ESRRG: variants seen among roughly 807,000 people sequenced by gnomAD.
ESRRG encodes the protein estrogen-related receptor gamma.
Under a neutral mutation model 44.0 loss-of-function variants are expected in ESRRG, and 13 were observed. That is an observed-to-expected ratio of 0.30 (90% CI 0.19 to 0.47). The LOEUF is 0.47. Ranked by LOEUF, ESRRG falls within the 20% of genes least tolerant of loss-of-function variation. The pLI is 1.00. For missense variants in ESRRG, 395 were observed against 580.6 expected, an observed-to-expected ratio of 0.68 and a Z score of 3.29; for synonymous variants, 215 against 214.6, an observed-to-expected ratio of 1.00 and a Z score of -0.02.
rs546749837 is a variant in ESRRG at position 216,655,586 on chromosome 1, T to C, written c.473-4497A>G. On this transcript the variant is annotated intron_variant, in intron 2 of 6. Transcript: ENST00000408911. ...GTGGTCCTAGCATCTTCACAAATGA[T>C]ATAGTTTCAGCTGAAGTGTATAGAA... Among the ~76,000 whole-genome samples, 40 of 152,290 alleles carry C rather than the reference T, an allele frequency of 2.6e-4. No individual in the cohort carries two copies. In the South Asian group the frequency reaches 8.3e-3, roughly 32 times the overall value.
At chr1:216,542,110 GAT>G (rs1491313645) in intron 5 of ESRRG, among the ~76,000 whole-genome samples, 1 of 147,392 alleles carries the variant, frequency 6.8e-6, no homozygotes, top group African/African-American at 2.5e-5. Context: ...GAGAGAGAGA[GAT>G]AGAATGTTTT....
At chr1:216,561,155 T>C (rs985026824) in intron 5 of ESRRG, among the ~76,000 whole-genome samples, 1 of 152,192 alleles carries the variant, frequency 6.6e-6, no homozygotes, top group South Asian at 2.1e-4. Flanking sequence ...ACCTATTCCA[T>C]ATGTATTTTC....
At position 216,559,779 on chromosome 1, in the gene ESRRG, C is replaced by T. The variant is rs566589037; in HGVS notation, c.862+4440G>A. ...TAAAAATGAAACCTCCATAATTTTG[C>T]TTGGTGGATGATATAATCTTAAAAA... On this transcript the variant is annotated intron_variant, in intron 5 of 6. Transcript: ENST00000408911. Among the ~76,000 whole-genome samples, 4 of 152,180 alleles carry T rather than the reference C, an allele frequency of 2.6e-5. No homozygotes were observed. The South Asian group carries it at 8.3e-4, about 32-fold the overall frequency.
intron 3 of ESRRG, among the ~76,000 whole-genome samples, chr1:216,585,599 C>T (rs2063608331): frequency 6.6e-6 from 1 of 151,740 alleles, no homozygotes; most frequent in Admixed American, 6.6e-5. Flanking sequence ...TAAACAATGT[C>T]AAAACAGATG....
chr1:216,907,924 A>C (rs2149546147), intron 2 of ESRRG, among the ~76,000 whole-genome samples: 1 of 152,260 alleles, frequency 6.6e-6, no homozygotes. Context: ...CATATTCCAC[A>C]GGGAGAAGCC....
chr1:216,768,059 C>T (rs2093173176), intron 2 of ESRRG, among the ~76,000 whole-genome samples: 1 of 152,064 alleles, frequency 6.6e-6, no homozygotes, highest in South Asian at 2.1e-4. Context: ...CATACATTGT[C>T]TCTAACCCTC....
chr1:216,537,245 AAC>A (rs1451172285), intron 5 of ESRRG, among the ~76,000 whole-genome samples: 1 of 151,990 alleles, frequency 6.6e-6, no homozygotes, highest in Non-Finnish European at 1.5e-5. Context: ...CCTTCTCCAT[AAC>A]AGAGCATGGT....
intron 2 of ESRRG, among the ~76,000 whole-genome samples, chr1:216,769,577 T>C (rs984773553): frequency 2.0e-5 from 3 of 152,044 alleles, no homozygotes; most frequent in Admixed American, 6.6e-5. Context: ...CATGAAGCCG[T>C]CACATGTAAG....
intron 2 of ESRRG, among the ~76,000 whole-genome samples, chr1:216,877,778 T>A (rs1256466943): frequency 6.6e-6 from 1 of 152,136 alleles, no homozygotes; most frequent in African/African-American, 2.4e-5. Context: ...CCATTATGTT[T>A]CCTTATTTTT....
chr1:217,042,481 C>CACAT (rs2084052239), intron 1 of ESRRG, among the ~76,000 whole-genome samples: 1 of 57,128 alleles, frequency 1.8e-5, no homozygotes, highest in Non-Finnish European at 4.4e-5. Flanking sequence ...CAAACACACA[C>CACAT]ACACACACAC....
chr1:216,917,474 G>C (rs1299714132), intron 2 of ESRRG, among the ~76,000 whole-genome samples: 1 of 152,134 alleles, frequency 6.6e-6, no homozygotes, highest in Non-Finnish European at 1.5e-5. Flanking sequence ...ATTTTATAGA[G>C]ATCTCACAGT....
chr1:216,587,748 C>T (rs1372845773), intron 3 of ESRRG, among the ~76,000 whole-genome samples: 1 of 152,080 alleles, frequency 6.6e-6, no homozygotes, highest in African/African-American at 2.4e-5. Context: ...GAGTAAGAAG[C>T]ATGTATAGTT....
chr1:216,587,460 T>C (rs1048973766), intron 3 of ESRRG, among the ~76,000 whole-genome samples: 11 of 152,178 alleles, frequency 7.2e-5, no homozygotes, highest in African/African-American at 2.7e-4. Flanking sequence ...TAGATGTCTA[T>C]CAAATTGCTT....
At chr1:216,509,522 C>A (rs2042122258) in intron 6 of ESRRG, among the ~76,000 whole-genome samples, 2 of 152,124 alleles carry the variant, frequency 1.3e-5, no homozygotes, top group Admixed American at 1.3e-4. Flanking sequence ...TCGGCCCTAC[C>A]CATAGTCTTG....
intron 1 of ESRRG, among the ~76,000 whole-genome samples, chr1:217,025,410 C>G (rs185245849): frequency 9.8e-4 from 149 of 152,140 alleles, no homozygotes; most frequent in African/African-American, 3.4e-3. Context: ...TTCTGTACCT[C>G]TACACTAAAG....
chr1:216,850,975 T>G (rs866806378), intron 2 of ESRRG, among the ~76,000 whole-genome samples: 1 of 150,788 alleles, frequency 6.6e-6, no homozygotes, highest in South Asian at 2.1e-4. Flanking sequence ...TCTAGAAATG[T>G]GTGTCTAAGC....
At chr1:216,646,675 T>A (rs1048780701) in intron 3 of ESRRG, among the ~76,000 whole-genome samples, 2 of 152,224 alleles carry the variant, frequency 1.3e-5, no homozygotes, top group African/African-American at 4.8e-5. Flanking sequence ...TGGCTATTTA[T>A]AACATGTTGT....
chr1:216,923,834 A>C (rs2062154149), intron 2 of ESRRG, among the ~76,000 whole-genome samples: 1 of 152,212 alleles, frequency 6.6e-6, no homozygotes, highest in Non-Finnish European at 1.5e-5. Context: ...TTTCGGGTTC[A>C]GTGTCAGAAA....
intron 1 of ESRRG, among the ~76,000 whole-genome samples, chr1:217,123,911 AAAAGT>A (rs112266681): frequency 0.022 from 3,334 of 152,282 alleles, 127 homozygotes; most frequent in African/African-American, 0.076. Flanking sequence ...CAGAGCTTAA[AAAAGT>A]AAAGTAATAA....
Sources: allele counts gnomAD v4.1 joint callset (sites outside exome capture counted in the v4.1 genomes callset), GRCh38; gene constraint gnomAD v4.1.1; transcripts MANE v1.5; gene names NCBI Gene and HGNC (gene_info 2026-07-23, HGNC 2026-07-21).